The following STARD3NL variants were observed in gnomAD, a reference collection of about 807,000 sequenced individuals.
STARD3NL encodes the protein STARD3 N-terminal like.
STARD3NL carries 17 observed loss-of-function variants against 30.9 expected under a neutral mutation model. The ratio of observed to expected loss-of-function variants is 0.55; its 90% CI spans 0.38 to 0.82. The LOEUF is 0.82. Ranked by LOEUF, STARD3NL falls within the 40% of genes least tolerant of loss-of-function variation. The pLI is 0.00. For missense variants in STARD3NL, 234 were observed against 277.6 expected, an observed-to-expected ratio of 0.84 and a Z score of 1.12; for synonymous variants, 112 against 100.5, an observed-to-expected ratio of 1.11 and a Z score of -0.69.
At position 38,214,184 on chromosome 7, in the gene STARD3NL, T is replaced by C. The variant is rs183938341; in HGVS notation, c.226-173T>C. On this transcript the variant is annotated intron_variant, in intron 2 of 8. Transcript: ENST00000009041. ...AGTGAATGAATTCAGAGTTGAGGAA[T>C]TGGAGAGTGCCATCTAGCCCTTTTC... Among the ~76,000 whole-genome samples the C allele has an allele frequency of 5.5e-3, 837 of 152,358 alleles. 1 individual carries two copies. Among genetic ancestry groups the C allele is most frequent in the Non-Finnish European group, 8.3e-3 (563 of 68,034 alleles).
intron 1 of STARD3NL, among the ~76,000 whole-genome samples, chr7:38,205,417 A>G (rs371023953): frequency 6.6e-6 from 1 of 152,154 alleles, no homozygotes; most frequent in Non-Finnish European, 1.5e-5. Flanking sequence ...GTCTGTGTGT[A>G]TTCCATTTAG....
chr7:38,190,258 G>A (rs1200066563), intron 1 of STARD3NL, among the ~76,000 whole-genome samples: 1 of 152,148 alleles, frequency 6.6e-6, no homozygotes, highest in Non-Finnish European at 1.5e-5. Context: ...CACTCATGAT[G>A]ACACACAATT....
intron 1 of STARD3NL, among the ~76,000 whole-genome samples, chr7:38,182,993 C>A (rs752954727): frequency 4.6e-5 from 7 of 152,088 alleles, no homozygotes; most frequent in Non-Finnish European, 8.8e-5. Flanking sequence ...TATTGCTCAC[C>A]AAAGTATATT....
chr7:38,212,713 G>A (rs900605843), intron 2 of STARD3NL, among the ~76,000 whole-genome samples: 1 of 152,124 alleles, frequency 6.6e-6, no homozygotes, highest in African/African-American at 2.4e-5. Flanking sequence ...GGTGGGAATA[G>A]GAAGGAAAGA....
intron 1 of STARD3NL, among the ~76,000 whole-genome samples, chr7:38,204,657 G>C (rs1465373194): frequency 6.6e-6 from 1 of 152,150 alleles, no homozygotes; most frequent in East Asian, 1.9e-4. Context: ...GGAGGAGGTA[G>C]AGACACAAAA....
In STARD3NL at chr7:38,178,278, G is replaced by A. The variant is rs1669088031; in HGVS notation, c.-201G>A. 1 of 152,296 alleles carries A rather than the reference G, an allele frequency of 6.6e-6. No individual in the cohort carries two copies. Among genetic ancestry groups the A allele is most frequent in the African/African-American group, 2.4e-5 (1 of 41,422 alleles). The allele number at this position is 152,296 out of a possible 1,614,324, so 9.4% of individuals were successfully genotyped here. A position where few individuals can be genotyped will look rare whatever the true frequency, so the allele number is the denominator to read the frequency against. On this transcript the variant is annotated 5_prime_UTR_variant, in exon 1 of 9. The change creates a new upstream start codon in the 5' untranslated region. Transcript: ENST00000009041. ...GGGCCGGAGGTCCCGGGGCTGCTGG[G>A]TGCGGGCGGTGGGCTGCGCGTTGTC...
At chr7:38,205,749 A>G (rs1785428510) in intron 1 of STARD3NL, among the ~76,000 whole-genome samples, 1 of 152,212 alleles carries the variant, frequency 6.6e-6, no homozygotes, top group African/African-American at 2.4e-5. Context: ...CACTAAATGA[A>G]CACAACTATG....
Position 38,217,249 on chromosome 7 carries a change from T to G in STARD3NL, c.497T>G (p.Ile166Ser), listed in dbSNP as rs1786176493. The G allele has an allele frequency of 6.2e-7, 1 of 1,613,964 alleles. No individual in the cohort carries two copies. Among genetic ancestry groups the G allele is most frequent in the Non-Finnish European group, 8.5e-7 (1 of 1,179,964 alleles). Residue 166 changes from isoleucine to serine, a missense_variant, in exon 6 of 9, where the codon ATT (isoleucine) becomes AGT (serine). By Grantham distance (142) the Ile-to-Ser change is moderately radical (BLOSUM62 -2). Coordinates refer to ENST00000009041, the MANE Select transcript of STARD3NL (RefSeq NM_032016.4). ...LPIISFILAW[I>S]ETWFLDFKVL... ...ATCATTTCATTCATCCTTGCCTGGA[T>G]TGAGACGTGGTTCCTGGATTTCAAA...
rs1167299531 is a variant in STARD3NL at position 38,205,785 on chromosome 7, G to T, written c.-58-1662G>T. On this transcript the variant is annotated intron_variant, in intron 1 of 8. Coordinates refer to ENST00000009041, the MANE Select transcript of STARD3NL (RefSeq NM_032016.4). Reference sequence around the variant, plus strand: ...TTACCACTACTCAGGTAAAGAAATAGAACTTTACCAAGTCCCCTAAATATG... The same window carrying T: ...TTACCACTACTCAGGTAAAGAAATATAACTTTACCAAGTCCCCTAAATATG... Among the ~76,000 whole-genome samples the T allele has an allele frequency of 2.0e-5, 3 of 152,078 alleles. No homozygotes were observed. In the East Asian group the frequency reaches 5.8e-4, roughly 29 times the overall value.
At chr7:38,217,440 C>G (rs1368214794) in intron 6 of STARD3NL, 135 bp downstream of exon 6, 15 of 752,824 alleles carry the variant, frequency 2.0e-5, no homozygotes, top group Admixed American at 2.6e-5. Flanking sequence ...TCTTTAGTGG[C>G]TACAGCAGAA....
intron 8 of STARD3NL, 128 bp downstream of exon 8, chr7:38,228,999 T>G: frequency 1.7e-6 from 1 of 582,674 alleles, no homozygotes; most frequent in Non-Finnish European, 2.9e-6. Flanking sequence ...TTGCATGAAT[T>G]TATCAGTCAC....
At chr7:38,216,986 A>T (rs775061750) in intron 4 of STARD3NL, 39 bp from the exon 5 acceptor site, 1 of 1,608,720 alleles carries the variant, frequency 6.2e-7, no homozygotes, top group South Asian at 1.1e-5. Context: ...ACAGTGTGAG[A>T]TGCCTAGTGT....
intron 1 of STARD3NL, among the ~76,000 whole-genome samples, chr7:38,186,467 A>G (rs987134811): frequency 1.4e-4 from 21 of 152,224 alleles, no homozygotes; most frequent in African/African-American, 5.1e-4. Context: ...AAATAGCTCT[A>G]TGACCTGGAA....
At chr7:38,178,560 G>C (rs902780182) in intron 1 of STARD3NL, 140 bp downstream of exon 1, 97 of 152,656 alleles carry the variant, frequency 6.4e-4, no homozygotes, top group Admixed American at 6.3e-3. Context: ...AGTCCTGCGC[G>C]AGCCTCCAGG....
intron 2 of STARD3NL, among the ~76,000 whole-genome samples, chr7:38,208,694 A>G (rs1785629147): frequency 6.6e-6 from 1 of 152,180 alleles, no homozygotes; most frequent in Non-Finnish European, 1.5e-5. Flanking sequence ...AGTAATCATT[A>G]TTCCCTGTTG....
intron 2 of STARD3NL, among the ~76,000 whole-genome samples, chr7:38,214,065 C>T (rs995901837): frequency 6.6e-6 from 1 of 152,150 alleles, no homozygotes; most frequent in Admixed American, 6.6e-5. Context: ...AAGACTTTAT[C>T]TTAGAAGGGA....
In STARD3NL at chr7:38,217,292, A is replaced by G. The variant is rs1157183966; in HGVS notation, c.540A>G (p.Ala180=). 2 of 1,613,846 alleles carry G rather than the reference A, an allele frequency of 1.2e-6. No homozygotes were observed. Among genetic ancestry groups the G allele is most frequent in the Non-Finnish European group, 1.7e-6 (2 of 1,179,912 alleles). The part of the protein sequence containing the change: ...FLDFKVLPQE[A]EEENRLLIVQ... ...ATTTCAAAGTGTTACCTCAAGAAGC[A>G]GAAGAAGAAAACAGTAAGTTCCTCT... The change falls in exon 6 of 9, where the codon GCA becomes GCG. Residue 180 remains alanine, a synonymous_variant. Transcript: ENST00000009041.
At chr7:38,200,930 G>C (rs749892982) in intron 1 of STARD3NL, among the ~76,000 whole-genome samples, 1 of 152,088 alleles carries the variant, frequency 6.6e-6, no homozygotes, top group South Asian at 2.1e-4. Flanking sequence ...TGAATAGTAT[G>C]TTTCTAACAT....
intron 1 of STARD3NL, among the ~76,000 whole-genome samples, chr7:38,206,976 T>C (rs1337183351): frequency 6.6e-6 from 1 of 152,238 alleles, no homozygotes; most frequent in East Asian, 1.9e-4. Context: ...CCTTGCTATA[T>C]TGCCCAGGCT....
Sources: gnomAD v4.1 joint callset for allele counts (sites outside exome capture counted in the v4.1 genomes callset) on GRCh38, gnomAD v4.1.1 for gene constraint, MANE v1.5 for transcripts, NCBI Gene and HGNC (gene_info 2026-07-23, HGNC 2026-07-21) for gene names.